Variants in MPPED2 observed in about 807,000 individuals in gnomAD.
The protein encoded by MPPED2 is metallophosphoesterase domain containing 2, also known as metallophosphoesterase MPPED2.
Under a neutral mutation model 33.0 loss-of-function variants are expected in MPPED2, and 5 were observed. The observed-to-expected ratio is 0.15, with a 90% confidence interval of 0.08 to 0.32. The LOEUF is 0.32. Ranked by LOEUF, MPPED2 falls within the 10% of genes least tolerant of loss-of-function variation. The pLI, the probability that MPPED2 is intolerant of heterozygous loss-of-function variation, is 1.00. For synonymous variants in MPPED2, 136 were observed against 141.9 expected, an observed-to-expected ratio of 0.96 and a Z score of 0.29; for missense variants, 275 against 372.1, an observed-to-expected ratio of 0.74 and a Z score of 2.15.
intron 2 of MPPED2, among the ~76,000 whole-genome samples, chr11:30,546,789 A>G (rs1955448317): frequency 6.6e-6 from 1 of 152,232 alleles, no homozygotes; most frequent in African/African-American, 2.4e-5. Context: ...CTTATTTGTA[A>G]GACAACATGA....
At chr11:30,443,805 A>C (rs546521045) in intron 4 of MPPED2, among the ~76,000 whole-genome samples, 9 of 152,336 alleles carry the variant, frequency 5.9e-5, no homozygotes, top group African/African-American at 2.2e-4. Context: ...GACAGTTCTC[A>C]CCATACGAAT....
chr11:30,532,534 G>C (rs1231708426), intron 3 of MPPED2, among the ~76,000 whole-genome samples: 1 of 152,200 alleles, frequency 6.6e-6, no homozygotes, highest in African/African-American at 2.4e-5. Flanking sequence ...ATACAGGCCA[G>C]AGGTTGTTCT....
chr11:30,473,383 C>A (rs1951034985), intron 4 of MPPED2, among the ~76,000 whole-genome samples: 1 of 152,174 alleles, frequency 6.6e-6, no homozygotes, highest in African/African-American at 2.4e-5. Flanking sequence ...AAAGGTCCTA[C>A]CTAGCTTCTG....
downstream of MPPED2, among the ~76,000 whole-genome samples, chr11:30,409,446 C>T (rs180996212): frequency 6.6e-6 from 1 of 152,342 alleles, no homozygotes; most frequent in Admixed American, 6.5e-5. Flanking sequence ...AAATGTCCAA[C>T]ACAGCCTATG....
At chr11:30,550,619 A>G (rs1955661497) in intron 2 of MPPED2, among the ~76,000 whole-genome samples, 1 of 152,188 alleles carries the variant, frequency 6.6e-6, no homozygotes. Flanking sequence ...TGCACGGCTG[A>G]AGAAATGAGC....
chr11:30,552,269 G>A (rs1289007785), intron 2 of MPPED2, among the ~76,000 whole-genome samples: 2 of 152,136 alleles, frequency 1.3e-5, no homozygotes, highest in Admixed American at 6.5e-5. Context: ...AATGGCAAGG[G>A]ACAAGCAAAT....
intron 4 of MPPED2, among the ~76,000 whole-genome samples, chr11:30,444,436 C>G (rs1375721937): frequency 6.7e-6 from 1 of 150,276 alleles, no homozygotes; most frequent in Non-Finnish European, 1.5e-5. Flanking sequence ...CTCAAACACA[C>G]AGAACATCAT....
intron 4 of MPPED2, among the ~76,000 whole-genome samples, chr11:30,428,560 C>T (rs1948943913): frequency 6.6e-6 from 1 of 152,110 alleles, no homozygotes; most frequent in Admixed American, 6.6e-5. Context: ...AGCGACTTGT[C>T]TAAGGTCATC....
At chr11:30,482,661 CAAAG>C (rs1951542535) in intron 4 of MPPED2, among the ~76,000 whole-genome samples, 1 of 152,080 alleles carries the variant, frequency 6.6e-6, no homozygotes, top group African/African-American at 2.4e-5. Context: ...CAGAGTGAGA[CAAAG>C]AGAATGAATT....
chr11:30,509,439 G>A (rs1294870157), intron 3 of MPPED2, among the ~76,000 whole-genome samples: 2 of 152,186 alleles, frequency 1.3e-5, no homozygotes, highest in African/African-American at 2.4e-5. Flanking sequence ...TAATGGAATA[G>A]TCATTCATTA....
intron 3 of MPPED2, among the ~76,000 whole-genome samples, chr11:30,519,211 G>T (rs1953706647): frequency 6.6e-6 from 1 of 152,114 alleles, no homozygotes; most frequent in Non-Finnish European, 1.5e-5. Context: ...AGAGGTTACA[G>T]TAAGTGGTGA....
At chr11:30,573,031 A>G (rs1423897471) in intron 2 of MPPED2, among the ~76,000 whole-genome samples, 4 of 152,218 alleles carry the variant, frequency 2.6e-5, no homozygotes, top group Admixed American at 2.6e-4. Context: ...CGACAGGACT[A>G]GAATGCAGAT....
At chr11:30,578,804 C>G (rs1957038298) in intron 2 of MPPED2, among the ~76,000 whole-genome samples, 2 of 152,192 alleles carry the variant, frequency 1.3e-5, no homozygotes, top group Non-Finnish European at 1.5e-5. Context: ...TAAATAGAAA[C>G]AGTAGAATAA....
chr11:30,487,797 G>A (rs1951805935), intron 4 of MPPED2, among the ~76,000 whole-genome samples: 1 of 151,980 alleles, frequency 6.6e-6, no homozygotes, highest in Admixed American at 6.6e-5. Flanking sequence ...TTAAACCCTA[G>A]TGTCTGAGTC....
At chr11:30,524,694 G>C (rs1024071393) in intron 3 of MPPED2, among the ~76,000 whole-genome samples, 4 of 152,106 alleles carry the variant, frequency 2.6e-5, no homozygotes, top group Admixed American at 2.6e-4. Flanking sequence ...GCACCATAGA[G>C]GTCAGAAAGA....
intron 4 of MPPED2, among the ~76,000 whole-genome samples, chr11:30,433,757 G>T (rs1050790689): frequency 1.3e-5 from 2 of 152,094 alleles, no homozygotes; most frequent in Non-Finnish European, 2.9e-5. Context: ...TAGAAAATTC[G>T]TTCACATTTC....
intron 6 of MPPED2, among the ~76,000 whole-genome samples, chr11:30,400,376 C>G (rs1318176951): frequency 6.6e-6 from 1 of 152,146 alleles, no homozygotes; most frequent in Non-Finnish European, 1.5e-5. Flanking sequence ...GCACCTGGCT[C>G]TATGGAGAGT....
At chr11:30,563,176 TC>T (rs59079749) in intron 2 of MPPED2, among the ~76,000 whole-genome samples, 11,315 of 151,958 alleles carry the variant, frequency 0.074, 1,442 homozygotes, top group African/African-American at 0.26. Context: ...GCTCATTTCC[TC>T]CCTCCCTGTC....
At chr11:30,583,134 C>CTTTTTCTT (rs1957251845) in intron 1 of MPPED2, among the ~76,000 whole-genome samples, 5 of 96,714 alleles carry the variant, frequency 5.2e-5, no homozygotes, top group African/African-American at 2.4e-4. Flanking sequence ...AAGACTTTTT[C>CTTTTTCTT]TTTTTTTTTT....
Sources: allele counts gnomAD v4.1 joint callset (sites outside exome capture counted in the v4.1 genomes callset), GRCh38; gene constraint gnomAD v4.1.1; transcripts MANE v1.5; gene names NCBI Gene and HGNC (gene_info 2026-07-23, HGNC 2026-07-21).